CHN1: variants seen among roughly 807,000 people sequenced by gnomAD.
The protein encoded by CHN1 is chimerin 1.
In CHN1, 37 loss-of-function variants were observed where a neutral mutation model predicts 59.5. The observed-to-expected ratio is 0.62, with a 90% CI of 0.48 to 0.82. The LOEUF (loss-of-function observed/expected upper bound fraction) is 0.82. CHN1 is among the 40% of genes least tolerant of loss of function. The pLI is 0.00. For synonymous variants in CHN1, 206 were observed against 200.4 expected (o/e 1.03, Z -0.24); for missense variants, 469 against 571.0 (o/e 0.82, Z 1.82).
chr2:174,989,609 G>A (rs184845021), intron 1 of CHN1, among the ~76,000 whole-genome samples: 2 of 152,066 alleles, frequency 1.3e-5, no homozygotes, highest in East Asian at 3.9e-4. Flanking sequence ...GGGCAACACA[G>A]GGAGACCCTG....
intron 7 of CHN1, chr2:174,836,984 G>A (rs1435239659): frequency 1.3e-5 from 2 of 152,154 alleles, no homozygotes; most frequent in African/African-American, 4.8e-5. Flanking sequence ...GGCATTTTAA[G>A]CCCCTAAGTC....
At chr2:174,813,806 C>T (rs566067184) in intron 8 of CHN1, among the ~76,000 whole-genome samples, 6 of 152,240 alleles carry the variant, frequency 3.9e-5, no homozygotes, top group South Asian at 4.1e-4. Context: ...TCATACAACG[C>T]CATTCAGTTT....
chr2:174,829,809 G>A (rs973299027), intron 7 of CHN1, among the ~76,000 whole-genome samples: 5 of 152,158 alleles, frequency 3.3e-5, no homozygotes, highest in Non-Finnish European at 7.4e-5. Context: ...GAGAACAGAT[G>A]AACAAAATCA....
intron 1 of CHN1, among the ~76,000 whole-genome samples, chr2:174,997,030 C>T (rs1406790169): frequency 6.6e-6 from 1 of 152,182 alleles, no homozygotes; most frequent in Admixed American, 6.5e-5. Context: ...CCACCTGGCA[C>T]ATTATACATG....
At chr2:174,987,031 C>T (rs906214228) in intron 1 of CHN1, among the ~76,000 whole-genome samples, 1 of 152,114 alleles carries the variant, frequency 6.6e-6, no homozygotes, top group Admixed American at 6.5e-5. Flanking sequence ...CCACCACGCC[C>T]AGCCGATTTT....
intron 1 of CHN1, among the ~76,000 whole-genome samples, chr2:174,958,214 A>C (rs893308623): frequency 6.6e-5 from 10 of 152,116 alleles, no homozygotes; most frequent in Non-Finnish European, 1.3e-4. Flanking sequence ...CCTGACTCCA[A>C]GGAGAGAGGA....
intron 1 of CHN1, among the ~76,000 whole-genome samples, chr2:174,991,844 T>G (rs1342642193): frequency 6.6e-6 from 1 of 152,234 alleles, no homozygotes; most frequent in Non-Finnish European, 1.5e-5. Context: ...TAACAAATAT[T>G]TTCAAGTACC....
At chr2:174,877,398 T>TAC (rs1019460869) in intron 6 of CHN1, among the ~76,000 whole-genome samples, 5 of 152,018 alleles carry the variant, frequency 3.3e-5, no homozygotes, top group South Asian at 4.1e-4. Flanking sequence ...ACACATAATA[T>TAC]ACACACACAC....
At chr2:174,834,905 T>C (rs112679213) in intron 7 of CHN1, among the ~76,000 whole-genome samples, 1 of 152,180 alleles carries the variant, frequency 6.6e-6, no homozygotes, top group Admixed American at 6.5e-5. Flanking sequence ...GAAGCTGAAA[T>C]GTGAAAATAA....
intron 6 of CHN1, chr2:174,847,751 TA>T: frequency 1.7e-6 from 1 of 587,808 alleles, no homozygotes; most frequent in South Asian, 1.6e-5. Context: ...CTCATGTAAG[TA>T]AGTTTCTTGC....
intron 1 of CHN1, among the ~76,000 whole-genome samples, chr2:174,959,167 C>T (rs956641675): frequency 7.2e-5 from 11 of 152,174 alleles, no homozygotes; most frequent in Admixed American, 1.3e-4. Flanking sequence ...GAAGTCTAAA[C>T]TGGCATAACC....
At chr2:174,989,067 G>A (rs963642450) in intron 1 of CHN1, among the ~76,000 whole-genome samples, 3 of 152,096 alleles carry the variant, frequency 2.0e-5, no homozygotes, top group African/African-American at 4.8e-5. Context: ...CCATAAACCT[G>A]TTTAAATTTT....
intron 7 of CHN1, among the ~76,000 whole-genome samples, chr2:174,830,506 G>A (rs552254178): frequency 1.3e-5 from 2 of 152,100 alleles, no homozygotes; most frequent in East Asian, 1.9e-4. Context: ...TATTAACAAA[G>A]AGCGAGGTTT....
chr2:175,003,290 A>C (rs896477331), intron 1 of CHN1, among the ~76,000 whole-genome samples: 4 of 152,212 alleles, frequency 2.6e-5, no homozygotes, highest in African/African-American at 9.7e-5. Flanking sequence ...TAGACTTTAA[A>C]ATTTTAAAGA....
chr2:174,882,233 T>G (rs1312306733), intron 5 of CHN1, among the ~76,000 whole-genome samples: 1 of 152,214 alleles, frequency 6.6e-6, no homozygotes, highest in African/African-American at 2.4e-5. Flanking sequence ...GGCTTTTAAC[T>G]GCTACTGTTG....
intron 6 of CHN1, among the ~76,000 whole-genome samples, chr2:174,854,864 C>G (rs375780921): frequency 6.6e-6 from 1 of 152,110 alleles, no homozygotes; most frequent in Non-Finnish European, 1.5e-5. Flanking sequence ...TTGTTCTATG[C>G]AATGTGAGCT....
At chr2:174,804,576 G>A (rs1432518762) in intron 11 of CHN1, among the ~76,000 whole-genome samples, 1 of 152,184 alleles carries the variant, frequency 6.6e-6, no homozygotes, top group African/African-American at 2.4e-5. Context: ...ACAGTAGCTT[G>A]GACCAGGGGG....
chr2:174,868,841 T>C (rs981097485), intron 6 of CHN1, among the ~76,000 whole-genome samples: 3 of 152,158 alleles, frequency 2.0e-5, no homozygotes, highest in Non-Finnish European at 2.9e-5. Flanking sequence ...TGGTGTTCCA[T>C]AGGAAACTCT....
intron 6 of CHN1, chr2:174,847,670 C>A: frequency 3.1e-6 from 4 of 1,308,896 alleles, no homozygotes; most frequent in Non-Finnish European, 4.0e-6. Flanking sequence ...AAGGAGATAA[C>A]CAATGAAAAT....
Sources: allele counts gnomAD v4.1 joint callset (sites outside exome capture counted in the v4.1 genomes callset), GRCh38; gene constraint gnomAD v4.1.1; transcripts MANE v1.5; gene names NCBI Gene and HGNC (gene_info 2026-07-23, HGNC 2026-07-21).